Variants in GFM2 observed in about 807,000 individuals in gnomAD.
GFM2 encodes ribosome-releasing factor 2, mitochondrial.
GFM2 carries 72 observed loss-of-function variants against 95.4 expected under a neutral mutation model. The observed-to-expected ratio is 0.76, with a 90% CI of 0.62 to 0.92. GFM2 has a LOEUF of 0.92. GFM2 is among the 40% of genes least tolerant of loss of function. The pLI is 0.00. For missense variants in GFM2, 825 were observed against 924.1 expected (o/e 0.89, Z 1.39); for synonymous variants, 276 against 317.5 (o/e 0.87, Z 1.39).
chr5:74,760,346 A>G (rs2112362462), intron 3 of GFM2, among the ~76,000 whole-genome samples: 1 of 152,272 alleles, frequency 6.6e-6, no homozygotes, highest in East Asian at 1.9e-4. Context: ...TCACATGACA[A>G]ACACAGTAAT....
At chr5:74,736,361 A>C in intron 15 of GFM2, 8 of 984,608 alleles carry the variant, frequency 8.1e-6, no homozygotes, top group Non-Finnish European at 9.6e-6. Flanking sequence ...TTACTAACAA[A>C]AGGTCAAACA....
At chr5:74,738,985 A>G (rs1307147240) in intron 12 of GFM2, among the ~76,000 whole-genome samples, 3 of 152,110 alleles carry the variant, frequency 2.0e-5, no homozygotes, top group African/African-American at 7.2e-5. Context: ...GTACTTTCCA[A>G]TTACTGCTTT....
chr5:74,741,546 A>G lies in GFM2; in HGVS notation c.913T>C (p.Leu305=). The G allele has an allele frequency of 6.4e-7, 1 of 1,558,676 alleles. No homozygotes were observed. Among genetic ancestry groups the G allele is most frequent in the Non-Finnish European group, 8.8e-7 (1 of 1,135,644 alleles). ...VLEEFSENFD[L]LPAEKLQTAI... Reference sequence around the variant, plus strand: ...AAATTTACCTTTTCAGCTGGTAACAAATCAAAATTCTCACTAAATTCTTCT... The same window carrying G: ...AAATTTACCTTTTCAGCTGGTAACAGATCAAAATTCTCACTAAATTCTTCT... The change falls in exon 11 of 21, where the codon TTG becomes CTG. Residue 305 remains leucine (L), a synonymous_variant. Transcript: ENST00000296805.
At chr5:74,741,712 G>T in intron 10 of GFM2, 103 bp from the exon 11 acceptor site, 1 of 579,442 alleles carries the variant, frequency 1.7e-6, no homozygotes, top group Non-Finnish European at 3.0e-6. Flanking sequence ...TTTCAAGACA[G>T]CTACCTTACC....
rs905377762 is a variant in GFM2, at chr5:74,722,387, C to T, written c.2203G>A (p.Glu735Lys). The part of the protein sequence containing the change: ...KVVIGFVPLA[E>K]IMGYSTVLRT... ...AGTTACAAAGTACCTACCATAATTT[C>T]TGCTAAGGGAACAAATCCAATAACA... Residue 735 changes from glutamate to lysine, a missense_variant, in exon 20 of 21, where the codon GAA becomes AAA. Glu to Lys is a moderately conservative substitution (Grantham distance 56). Coordinates refer to ENST00000296805, the MANE Select transcript of GFM2 (RefSeq NM_032380.5). 1 of 1,613,302 alleles carries T rather than the reference C, an allele frequency of 6.2e-7. No individual in the cohort carries two copies.
chr5:74,731,367 G>C (rs139377425), intron 16 of GFM2, among the ~76,000 whole-genome samples: 121 of 152,264 alleles, frequency 7.9e-4, no homozygotes, highest in African/African-American at 2.7e-3. Context: ...GTATTAGCTT[G>C]AATCTATGGA....
At chr5:74,751,282 A>T in intron 6 of GFM2, 86 bp downstream of exon 6, 1 of 1,367,560 alleles carries the variant, frequency 7.3e-7, no homozygotes, top group Non-Finnish European at 1.0e-6. Context: ...TTTTTTTACC[A>T]CAATAAAAAG....
chr5:74,756,137 A>C (rs1158775483), intron 5 of GFM2, among the ~76,000 whole-genome samples: 2 of 152,196 alleles, frequency 1.3e-5, no homozygotes, highest in African/African-American at 4.8e-5. Context: ...GACTCAGAAA[A>C]AGCATTTGAC....
rs1037904250 is a variant in GFM2 at position 74,721,354 on chromosome 5, C to T, written c.*301G>A. 1.3e-5 allele frequency: 10 copies of T among 746,242 alleles called. No homozygotes were observed. Among genetic ancestry groups the T allele is most frequent in the African/African-American group, 3.5e-5 (2 of 57,730 alleles). 46.2% of individuals were successfully genotyped at this position (746,242 alleles called of 1,614,324 possible). A position where few individuals can be genotyped will look rare whatever the true frequency, so the allele number is the denominator to read the frequency against. On this transcript the variant is annotated 3_prime_UTR_variant, in exon 21 of 21. Coordinates refer to ENST00000296805, the MANE Select transcript of GFM2 (RefSeq NM_032380.5). ...CTTTCTTGTGAGACAAGCTTAAGGACACAAAAGAAACACAACTTTGTGATA... is the reference window on the plus strand; with the variant it reads ...CTTTCTTGTGAGACAAGCTTAAGGATACAAAAGAAACACAACTTTGTGATA...
rs533165001 is a variant in GFM2, at chr5:74,732,128, A to ATT, written c.1587+892_1587+893dup. Among the ~76,000 whole-genome samples the ATT allele has an allele frequency of 8.2e-3, 696 of 85,246 alleles. 1 individual carries two copies. The highest frequency in any genetic ancestry group is 0.018 in the African/African-American group (384 of 20,934). The allele number at this position is 85,246 out of a possible 152,430, so 55.9% of individuals were successfully genotyped here. On this transcript the variant is annotated intron_variant, in intron 16 of 20. Coordinates refer to ENST00000296805, the MANE Select transcript of GFM2 (RefSeq NM_032380.5). ...TGCCATCATGCCTGGCTAATTTTTA[A>ATT]TTTTTTTTTTTTTTTTTTTTTTTTG...
chr5:74,731,004 G>A (rs1054243509), intron 16 of GFM2, among the ~76,000 whole-genome samples: 1 of 151,906 alleles, frequency 6.6e-6, no homozygotes, highest in Non-Finnish European at 1.5e-5. Flanking sequence ...GTAGAGATGG[G>A]GTTTCTCCAT....
chr5:74,736,585 AG>A (rs1374442072), intron 15 of GFM2: 17 of 1,404,822 alleles, frequency 1.2e-5, no homozygotes, highest in Admixed American at 3.0e-5. Context: ...TAATATGAGA[AG>A]AATGGCCAAG....
rs757002037 is a variant in GFM2 at position 74,730,218 on chromosome 5, A to G, written c.1726+42T>C. On this transcript the variant is annotated intron_variant, in intron 17 of 20. Coordinates refer to ENST00000296805, the MANE Select transcript of GFM2 (RefSeq NM_032380.5). ...AGCAACTAAATAGAGAAAGAAAGAC[A>G]GAAAGAGAGAAAAAGCAAATCCTAA... 3.2e-6 allele frequency: 5 copies of G among 1,559,130 alleles called. No individual in the cohort carries two copies. The South Asian group carries it at 4.9e-5, about 15-fold the overall frequency.
intron 11 of GFM2, 36 bp downstream of exon 11, chr5:74,741,492 TA>T (rs1201408569): frequency 2.0e-6 from 2 of 1,009,440 alleles, no homozygotes; most frequent in Non-Finnish European, 3.1e-6. Flanking sequence ...ATCCAATTAG[TA>T]AAATTTTGTG....
At chr5:74,747,975 G>A (rs778959853) in intron 7 of GFM2, among the ~76,000 whole-genome samples, 195 bp from the exon 8 acceptor site, 3 of 152,222 alleles carry the variant, frequency 2.0e-5, no homozygotes, top group Non-Finnish European at 4.4e-5. Flanking sequence ...GTGATGAAGT[G>A]TGAAGGGGAG....
At chr5:74,747,636 T>C in intron 8 of GFM2, 56 bp downstream of exon 8, 1 of 1,033,028 alleles carries the variant, frequency 9.7e-7, no homozygotes, top group Non-Finnish European at 1.5e-6. Context: ...TATAGTTCAT[T>C]AAAAGCTCAA....
intron 17 of GFM2, among the ~76,000 whole-genome samples, chr5:74,729,179 T>C (rs1750298229): frequency 1.3e-5 from 2 of 152,238 alleles, no homozygotes; most frequent in South Asian, 4.1e-4. Context: ...TCTGGAGTTT[T>C]TCAGGGCACA....
intron 1 of GFM2, among the ~76,000 whole-genome samples, chr5:74,766,199 G>C (rs1744590083): frequency 6.6e-6 from 1 of 152,158 alleles, no homozygotes; most frequent in Admixed American, 6.5e-5. Context: ...CGCTACTTTT[G>C]AGGCTGAGGT....
intron 4 of GFM2, 43 bp from the exon 5 acceptor site, chr5:74,758,989 A>T (rs1744139786): frequency 1.6e-6 from 2 of 1,226,856 alleles, no homozygotes; most frequent in African/African-American, 3.0e-5. Context: ...CTAAAATTGT[A>T]AAACCAAAGT....
Sources: gnomAD v4.1 joint callset for allele counts (sites outside exome capture counted in the v4.1 genomes callset) on GRCh38, gnomAD v4.1.1 for gene constraint, MANE v1.5 for transcripts, NCBI Gene and HGNC (gene_info 2026-07-23, HGNC 2026-07-21) for gene names.